Variants in OR10G3 observed in about 807,000 individuals in gnomAD.
The protein encoded by OR10G3 is olfactory receptor family 10 subfamily G member 3.
Under a neutral mutation model 13.4 loss-of-function variants are expected in OR10G3, and 8 were observed. The observed-to-expected ratio is 0.60, with a 90% CI of 0.35 to 1.08. The LOEUF is 1.08. Ranked by LOEUF, OR10G3 falls within the 50% of genes least tolerant of loss-of-function variation. The pLI is 0.02. For missense variants in OR10G3, 393 were observed against 386.6 expected (o/e 1.02, Z -0.14); for synonymous variants, 142 against 156.1 (o/e 0.91, Z 0.67).
At chr14:21,578,002 C>CA (rs201655439) in intron 1 of OR10G3, among the ~76,000 whole-genome samples, 95 of 148,418 alleles carry the variant, frequency 6.4e-4, no homozygotes, top group Admixed American at 3.4e-4. Flanking sequence ...AACTCCAACT[C>CA]AAAAAAAAAG....
At chr14:21,577,281 A>G (rs1876767990) in intron 1 of OR10G3, among the ~76,000 whole-genome samples, 1 of 152,044 alleles carries the variant, frequency 6.6e-6, no homozygotes, top group African/African-American at 2.4e-5. Context: ...CACCGATGAA[A>G]CCTCCGGGGA....
intron 1 of OR10G3, among the ~76,000 whole-genome samples, chr14:21,572,312 A>AAAAAAAAAG (rs1893079620): frequency 7.2e-6 from 1 of 138,022 alleles, no homozygotes; most frequent in African/African-American, 2.7e-5. Flanking sequence ...AAAAAAAAAA[A>AAAAAAAAAG]AAAAGGCCAG....
intron 1 of OR10G3, among the ~76,000 whole-genome samples, chr14:21,575,568 A>C (rs1397297517): frequency 1.3e-5 from 2 of 150,790 alleles, no homozygotes; most frequent in Admixed American, 1.3e-4. Context: ...TGTAGTAGAG[A>C]TGGGGTTTCA....
chr14:21,577,449 C>A (rs1374654749), intron 1 of OR10G3, among the ~76,000 whole-genome samples: 1 of 152,192 alleles, frequency 6.6e-6, no homozygotes, highest in African/African-American at 2.4e-5. Context: ...GCACTCTTTC[C>A]ACATTTTACT....
At chr14:21,574,320 A>AAAAAG (rs1893104568) in intron 1 of OR10G3, among the ~76,000 whole-genome samples, 6 of 150,544 alleles carry the variant, frequency 4.0e-5, no homozygotes, top group Non-Finnish European at 4.4e-5. Flanking sequence ...AAAAAAAAAA[A>AAAAAG]AAAAGAAATT....
At chr14:21,573,610 T>G (rs1025424181) in intron 1 of OR10G3, among the ~76,000 whole-genome samples, 1 of 151,020 alleles carries the variant, frequency 6.6e-6, no homozygotes. Context: ...AGGTGGAGGT[T>G]GTAGTGAGCT....
At position 21,569,522 on chromosome 14, in the gene OR10G3, C is replaced by T. The variant is rs1893038930; in HGVS notation, c.*281G>A. The T allele has an allele frequency of 3.3e-6, 1 of 305,604 alleles. No individual in the cohort carries two copies. The highest frequency in any genetic ancestry group is 6.0e-6 in the Non-Finnish European group (1 of 165,774). The allele number at this position is 305,604 out of a possible 1,614,324, so 18.9% of individuals were successfully genotyped here. ...GGTGTGGGAGAATTTATTACTGAGA[C>T]ATTGGAAAATACACTATTGCATTCT... On this transcript the variant is annotated 3_prime_UTR_variant, in exon 2 of 2. Transcript: ENST00000641040.
At chr14:21,575,798 G>A (rs747517049) in intron 1 of OR10G3, among the ~76,000 whole-genome samples, 1 of 152,028 alleles carries the variant, frequency 6.6e-6, no homozygotes. Flanking sequence ...AGTAAATCCC[G>A]CCACCCCATG....
At chr14:21,574,163 C>T (rs558052947) in intron 1 of OR10G3, among the ~76,000 whole-genome samples, 204 of 151,972 alleles carry the variant, frequency 1.3e-3, no homozygotes, top group African/African-American at 4.0e-3. Context: ...ATTAGTCGGG[C>T]GTGATGGTGG....
chr14:21,569,815 C>A lies in OR10G3; in HGVS notation c.930G>T (p.Pro310=). Residue 310 remains proline (P), a synonymous_variant, in exon 2 of 2, where the codon CCG becomes CCT. Transcript: ENST00000641040. ...GAGAAAGACACTTTCAAACCTCACT[C>A]GGAGTTCTTGGGCTTCTGAGCATTC... ...LKRMLRSPRT[P]SEV is the part of the protein sequence containing the mutation. The A allele has an allele frequency of 6.2e-7, 1 of 1,613,814 alleles. No homozygotes were observed. The highest frequency in any genetic ancestry group is 8.5e-7 in the Non-Finnish European group (1 of 1,179,756).
At position 21,569,672 on chromosome 14, in the gene OR10G3, A is replaced by T. The variant is rs895810324; in HGVS notation, c.*131T>A. 4.1e-6 allele frequency: 3 copies of T among 723,832 alleles called. No homozygotes were observed. The African/African-American group carries it at 5.4e-5, about 13-fold the overall frequency. 44.8% of individuals were successfully genotyped at this position (723,832 alleles called of 1,614,324 possible). On this transcript the variant is annotated 3_prime_UTR_variant, in exon 2 of 2. Transcript: ENST00000641040. ...TGTTAGAAAGTTAGTATTTTACCTTAAACTGTGTTTGATCATACAGTATGG... is the reference window on the plus strand; with the variant it reads ...TGTTAGAAAGTTAGTATTTTACCTTTAACTGTGTTTGATCATACAGTATGG...
At position 21,570,429 on chromosome 14, in the gene OR10G3, G is replaced by T. The variant is rs1040482951; in HGVS notation, c.316C>A (p.His106Asn). 1.9e-5 allele frequency: 30 copies of T among 1,614,042 alleles called. No individual in the cohort carries two copies. The South Asian group carries it at 3.3e-4, about 18-fold the overall frequency. The change falls in exon 2 of 2, where the codon CAC becomes AAC. Residue 106 changes from histidine (H) to asparagine (N), a missense_variant. Physicochemically the swap from His to Asn is moderately conservative, Grantham distance 68. Coordinates refer to ENST00000641040, the MANE Select transcript of OR10G3 (RefSeq NM_001005465.2). ...AAGCACTGGGTGCTGCCCAGGAAGT[G>T]ATAGAAATAGAGTTGAGCAACACAG... ...GGCVAQLYFY[H>N]FLGSTQCFLY...
rs1442993901 is a variant in OR10G3 at position 21,570,516 on chromosome 14, T to C, written c.229A>G (p.Ile77Val). 4 of 1,614,040 alleles carry C rather than the reference T, an allele frequency of 2.5e-6. No homozygotes were observed. In the African/African-American group the frequency reaches 5.3e-5, roughly 22 times the overall value. Reference protein sequence around the residue: ...LSVIDMSISSIIVPRLMMNFT... With the variant: ...LSVIDMSISSVIVPRLMMNFT... ...TTCATCATGAGGCGAGGGACAATGA[T>C]GGAGGAGATGCTCATATCAATGACT... Residue 77 changes from isoleucine to valine, a missense_variant, in exon 2 of 2, where the codon ATC (isoleucine) becomes GTC (valine). Ile to Val is a conservative substitution (Grantham distance 29). Transcript: ENST00000641040.
At chr14:21,579,170 T>G (rs2139716057) in intron 1 of OR10G3, among the ~76,000 whole-genome samples, 1 of 152,220 alleles carries the variant, frequency 6.6e-6, no homozygotes, top group East Asian at 1.9e-4. Flanking sequence ...GGAGAAAAAT[T>G]TAGCCAATTA....
intron 1 of OR10G3, among the ~76,000 whole-genome samples, chr14:21,576,702 A>T (rs574967587): frequency 6.6e-6 from 1 of 151,866 alleles, no homozygotes; most frequent in East Asian, 1.9e-4. Context: ...TGCTTTGGAG[A>T]ATATTCTAAG....
intron 1 of OR10G3, among the ~76,000 whole-genome samples, chr14:21,574,612 G>C (rs958528536): frequency 6.6e-6 from 1 of 152,070 alleles, no homozygotes; most frequent in African/African-American, 2.4e-5. Flanking sequence ...CATCATAATG[G>C]ATCTGGTCAT....
Position 21,570,599 on chromosome 14 carries a change from A to G in OR10G3, c.146T>C (p.Val49Ala), listed in dbSNP as rs747557720. 16 of 1,614,146 alleles carry G rather than the reference A, an allele frequency of 9.9e-6. No individual in the cohort carries two copies. The highest frequency in any genetic ancestry group is 1.6e-4 in the Middle Eastern group (1 of 6,062). ...QLGNLLILIT[V>A]WADPRLHARP... ...GGCATGGAGCCTTGGGTCTGCCCAGACAGTGATTAAAATAAGCAGGTTTCC... is the reference window on the plus strand; with the variant it reads ...GGCATGGAGCCTTGGGTCTGCCCAGGCAGTGATTAAAATAAGCAGGTTTCC... Residue 49 changes from valine to alanine, a missense_variant, in exon 2 of 2, where the codon GTC becomes GCC. Val to Ala is a moderately conservative substitution (Grantham distance 64, BLOSUM62 0). Coordinates refer to ENST00000641040, the MANE Select transcript of OR10G3 (RefSeq NM_001005465.2).
At chr14:21,573,873 T>C (rs971166117) in intron 1 of OR10G3, among the ~76,000 whole-genome samples, 1 of 152,208 alleles carries the variant, frequency 6.6e-6, no homozygotes, top group Non-Finnish European at 1.5e-5. Context: ...ACAATGTATA[T>C]GCATCTATCA....
rs1422774849 is a variant in OR10G3 at position 21,579,331 on chromosome 14, ATC to A, written c.-18+453_-18+454del. Among the ~76,000 whole-genome samples the A allele has an allele frequency of 2.0e-5, 3 of 152,136 alleles. No individual in the cohort carries two copies. The South Asian group carries it at 6.2e-4, about 31-fold the overall frequency. On this transcript the variant is annotated intron_variant, in intron 1 of 1. Coordinates refer to ENST00000641040, the MANE Select transcript of OR10G3 (RefSeq NM_001005465.2). The stretch of plus-strand genomic sequence containing the variant: ...GCCATCTTGGCTCACTGCAACCTCC[ATC>A]TCTCAGGTTCAAGTGATTCTCCTGC...
Sources: allele counts gnomAD v4.1 joint callset (sites outside exome capture counted in the v4.1 genomes callset), GRCh38; gene constraint gnomAD v4.1.1; transcripts MANE v1.5; gene names NCBI Gene and HGNC (gene_info 2026-07-23, HGNC 2026-07-21).